The following PLXDC1 variants were observed in gnomAD, a reference collection of about 807,000 sequenced individuals.
PLXDC1 encodes plexin domain-containing protein 1.
In PLXDC1, 39 loss-of-function variants were observed where a neutral mutation model predicts 61.3. The observed-to-expected ratio is 0.64, with a 90% CI of 0.49 to 0.83. PLXDC1 has a LOEUF of 0.83. PLXDC1 is among the 40% of genes least tolerant of loss of function. The pLI is 0.00. For synonymous variants in PLXDC1, 212 were observed against 254.5 expected (o/e 0.83, Z 1.59); for missense variants, 596 against 666.5 (o/e 0.89, Z 1.17).
chr17:39,091,323 AC>A (rs869137555), intron 7 of PLXDC1, among the ~76,000 whole-genome samples: 3 of 118,448 alleles, frequency 2.5e-5, no homozygotes, highest in African/African-American at 8.7e-5. Flanking sequence ...ACACACACCC[AC>A]TGACTCCCAT....
chr17:39,133,812 G>A (rs1185943862), intron 2 of PLXDC1, among the ~76,000 whole-genome samples: 1 of 152,106 alleles, frequency 6.6e-6, no homozygotes, highest in African/African-American at 2.4e-5. Flanking sequence ...TTTTTGTGGA[G>A]ATGGGGGTGT....
At chr17:39,141,820 T>C (rs1911943421) in intron 1 of PLXDC1, among the ~76,000 whole-genome samples, 1 of 152,202 alleles carries the variant, frequency 6.6e-6, no homozygotes, top group South Asian at 2.1e-4. Flanking sequence ...CCAATACTTG[T>C]TATTTTCTGT....
chr17:39,116,711 CA>C (rs1742441200), intron 2 of PLXDC1, among the ~76,000 whole-genome samples: 1 of 152,208 alleles, frequency 6.6e-6, no homozygotes, highest in African/African-American at 2.4e-5. Flanking sequence ...ACACGGAGGA[CA>C]TGTGTTAGAC....
chr17:39,149,112 G>C (rs1784759559), intron 1 of PLXDC1, among the ~76,000 whole-genome samples: 1 of 152,076 alleles, frequency 6.6e-6, no homozygotes. Context: ...CCTGCTGTCT[G>C]ACTCTGTCTT....
At chr17:39,073,702 A>T (rs116525710) in intron 11 of PLXDC1, among the ~76,000 whole-genome samples, 1,663 of 152,304 alleles carry the variant, frequency 0.011, 37 homozygotes, top group African/African-American at 0.038. Context: ...ACAGGAAGAA[A>T]TGCATGCAAT....
At chr17:39,129,667 AAGAG>A (rs1164758453) in intron 2 of PLXDC1, among the ~76,000 whole-genome samples, 2 of 93,428 alleles carry the variant, frequency 2.1e-5, no homozygotes, top group African/African-American at 3.6e-5. Context: ...GAAAGAAAGA[AAGAG>A]AGAGAGAGGG....
At chr17:39,143,165 C>A (rs569052430) in intron 1 of PLXDC1, among the ~76,000 whole-genome samples, 1 of 152,254 alleles carries the variant, frequency 6.6e-6, no homozygotes, top group Non-Finnish European at 1.5e-5. Flanking sequence ...AACACAAAAA[C>A]CATCCTTTTC....
intron 2 of PLXDC1, among the ~76,000 whole-genome samples, chr17:39,135,304 G>A (rs1911709197): frequency 6.6e-6 from 1 of 152,214 alleles, no homozygotes; most frequent in Non-Finnish European, 1.5e-5. Flanking sequence ...GGATCACAAA[G>A]CCCCTGAGAT....
chr17:39,072,749 G>A (rs539626031), intron 11 of PLXDC1, among the ~76,000 whole-genome samples: 5 of 152,246 alleles, frequency 3.3e-5, no homozygotes, highest in East Asian at 3.9e-4. Flanking sequence ...GGCCATGCAC[G>A]TTCTTCTGTG....
chr17:39,072,629 C>T (rs1909167588), intron 11 of PLXDC1, 144 bp from the exon 12 acceptor site: 7 of 680,668 alleles, frequency 1.0e-5, no homozygotes, highest in African/African-American at 3.5e-5. Flanking sequence ...AGGAGACTTG[C>T]TCAAGTCACA....
chr17:39,107,276 C>T (rs538485635), intron 6 of PLXDC1, 131 bp downstream of exon 6: 522 of 620,646 alleles, frequency 8.4e-4, no homozygotes, highest in Non-Finnish European at 1.2e-3. Flanking sequence ...GGGTAGGACC[C>T]GCAAACATCT....
intron 1 of PLXDC1, among the ~76,000 whole-genome samples, chr17:39,150,933 G>C (rs778203650): frequency 1.3e-5 from 2 of 152,186 alleles, no homozygotes; most frequent in Non-Finnish European, 2.9e-5. Flanking sequence ...GCCTGGATCA[G>C]CTTTGGGGTC....
At chr17:39,150,183 A>T (rs2045364077) in intron 1 of PLXDC1, among the ~76,000 whole-genome samples, 1 of 152,006 alleles carries the variant, frequency 6.6e-6, no homozygotes, top group Non-Finnish European at 1.5e-5. Flanking sequence ...TCTCACCAGC[A>T]GCTTCTCGGT....
chr17:39,101,240 C>T (rs531916325), intron 7 of PLXDC1, among the ~76,000 whole-genome samples: 4 of 152,198 alleles, frequency 2.6e-5, no homozygotes, highest in Non-Finnish European at 5.9e-5. Context: ...ATATCAGAAA[C>T]GCGCAGAAGA....
At chr17:39,145,016 G>A (rs1334947001) in intron 1 of PLXDC1, among the ~76,000 whole-genome samples, 2 of 152,266 alleles carry the variant, frequency 1.3e-5, no homozygotes, top group African/African-American at 2.4e-5. Flanking sequence ...GCACAAAGAC[G>A]TTAAGGAACC....
At chr17:39,102,744 A>ACACACACT (rs1491541593) in intron 7 of PLXDC1, among the ~76,000 whole-genome samples, 22 of 92,850 alleles carry the variant, frequency 2.4e-4, no homozygotes, top group South Asian at 2.1e-3. Flanking sequence ...ACACACACTC[A>ACACACACT]CTCACCTGAA....
intron 2 of PLXDC1, among the ~76,000 whole-genome samples, chr17:39,114,767 C>A (rs1166737097): frequency 6.6e-6 from 1 of 152,208 alleles, no homozygotes; most frequent in African/African-American, 2.4e-5. Context: ...TCAGAGTCAA[C>A]TGAATACAGC....
intron 8 of PLXDC1, among the ~76,000 whole-genome samples, chr17:39,084,425 A>G (rs1014507056): frequency 2.6e-5 from 4 of 152,258 alleles, no homozygotes; most frequent in African/African-American, 9.6e-5. Context: ...TATGCATCCC[A>G]TAGCATCATG....
In PLXDC1 at chr17:39,108,208, G is replaced by A; in HGVS notation, c.507C>T (p.Leu169=). The change falls in exon 5 of 14, where the codon CTC becomes CTT. Residue 169 remains leucine (L), a synonymous_variant. Coordinates refer to ENST00000315392, the MANE Select transcript of PLXDC1 (RefSeq NM_020405.5). ...IFMGDVIHRM[L]TATQYVAPLM... ...GGGGCGCCACATACTGAGTAGCTGT[G>A]AGCATCCGATGGATCACGTCCCCCA... 6.2e-7 allele frequency: 1 copy of A among 1,614,146 alleles called. No individual in the cohort carries two copies. The highest frequency in any genetic ancestry group is 8.5e-7 in the Non-Finnish European group (1 of 1,179,998).
Sources: allele counts gnomAD v4.1 joint callset (sites outside exome capture counted in the v4.1 genomes callset), GRCh38; gene constraint gnomAD v4.1.1; transcripts MANE v1.5; gene names NCBI Gene and HGNC (gene_info 2026-07-23, HGNC 2026-07-21).